PACSIN2: variants seen among roughly 807,000 people sequenced by gnomAD.
The protein encoded by PACSIN2 is protein kinase C and casein kinase substrate in neurons protein 2.
In PACSIN2, 25 loss-of-function variants were observed where a neutral mutation model predicts 63.8. The observed-to-expected ratio is 0.39, with a 90% CI of 0.29 to 0.55. PACSIN2 has a LOEUF of 0.55. Among genes scored for constraint, PACSIN2 ranks in the 20% least tolerant of loss-of-function variants. PACSIN2 has a pLI of 0.62. For missense variants in PACSIN2, 518 were observed against 646.9 expected (o/e 0.80, Z 2.16); for synonymous variants, 255 against 256.2 (o/e 1.00, Z 0.05).
intron 1 of PACSIN2, among the ~76,000 whole-genome samples, chr22:43,001,289 C>T (rs927796153): frequency 6.6e-6 from 1 of 152,180 alleles, no homozygotes; most frequent in Non-Finnish European, 1.5e-5. Flanking sequence ...CTAAGGATGA[C>T]CAGAGGCTTC....
At chr22:43,014,201 T>G (rs925319035) in intron 1 of PACSIN2, among the ~76,000 whole-genome samples, 2 of 151,208 alleles carry the variant, frequency 1.3e-5, no homozygotes, top group African/African-American at 4.9e-5. Flanking sequence ...GAGTTCGGAT[T>G]TCTGATTCAG....
intron 3 of PACSIN2, among the ~76,000 whole-genome samples, chr22:42,891,526 G>A (rs1461964789): frequency 1.3e-5 from 2 of 152,008 alleles, no homozygotes; most frequent in African/African-American, 4.8e-5. Flanking sequence ...TCAGCCTCCC[G>A]AGTAGCTGGG....
At chr22:42,912,481 T>C (rs530844159) in intron 1 of PACSIN2, among the ~76,000 whole-genome samples, 4 of 152,240 alleles carry the variant, frequency 2.6e-5, no homozygotes, top group Admixed American at 2.6e-4. Context: ...TGAGTGGAGG[T>C]AATCCCACCT....
chr22:42,997,708 G>A (rs1375301944), intron 1 of PACSIN2, among the ~76,000 whole-genome samples: 1 of 151,488 alleles, frequency 6.6e-6, no homozygotes, highest in African/African-American at 2.4e-5. Context: ...TCCAAATACA[G>A]GTCAACAAAA....
At chr22:42,888,047 G>A (rs1569224116) in intron 5 of PACSIN2, among the ~76,000 whole-genome samples, 1 of 144,856 alleles carries the variant, frequency 6.9e-6, no homozygotes, top group Non-Finnish European at 1.5e-5. Context: ...CCCTCCCCCA[G>A]GTCTCTGCCC....
At chr22:42,936,142 G>T (rs1249394018) in intron 1 of PACSIN2, among the ~76,000 whole-genome samples, 1 of 151,896 alleles carries the variant, frequency 6.6e-6, no homozygotes, top group Non-Finnish European at 1.5e-5. Context: ...CGTGAACCCG[G>T]GAGGCGGAGC....
Position 42,871,595 on chromosome 22 carries a change from AG to A in PACSIN2, c.1349-127del. On this transcript the variant is annotated intron_variant, in intron 10 of 10. Coordinates refer to ENST00000263246, the MANE Select transcript of PACSIN2 (RefSeq NM_001184970.3). The surrounding 1 kb of genome is among the most constrained non-coding windows in gnomAD (Gnocchi z 5.4). ...CAGGCATTCTGTGGCGGGCAGGCCG[AG>A]GGCCTGGTCATTTCTCTACTAAATG... is the stretch of plus-strand genomic sequence containing the variant. The A allele has an allele frequency of 1.3e-6, 1 of 744,926 alleles. No homozygotes were observed. Among genetic ancestry groups the A allele is most frequent in the Non-Finnish European group, 2.4e-6 (1 of 420,588 alleles). The allele number at this position is 744,926 out of a possible 1,614,324, so 46.1% of individuals were successfully genotyped here. A position where few individuals can be genotyped will look rare whatever the true frequency, so the allele number is the denominator to read the frequency against.
Position 42,893,575 on chromosome 22 carries a change from A to T in PACSIN2, c.99T>A (p.Asp33Glu). 2.5e-6 allele frequency: 4 copies of T among 1,614,136 alleles called. No homozygotes were observed. Among genetic ancestry groups the T allele is most frequent in the Non-Finnish European group, 3.4e-6 (4 of 1,180,026 alleles). The change falls in exon 3 of 11, where the codon GAT (aspartate) becomes GAA (glutamate). Residue 33 changes from aspartate (D) to glutamate (E), a missense_variant. Asp to Glu is a conservative substitution (Grantham distance 45, BLOSUM62 2). Transcript: ENST00000263246. ...NYKRTVKRIDDGHRLCSDLMN... is the reference protein window; with the variant it reads ...NYKRTVKRIDEGHRLCSDLMN... ...TGAGGTCGCTGCACAGGCGGTGGCCATCGTCGATCCGCTTCACAGTCCGCT... is the reference window on the plus strand; with the variant it reads ...TGAGGTCGCTGCACAGGCGGTGGCCTTCGTCGATCCGCTTCACAGTCCGCT...
intron 1 of PACSIN2, among the ~76,000 whole-genome samples, chr22:42,936,524 G>A (rs1270449043): frequency 6.6e-6 from 1 of 152,158 alleles, no homozygotes; most frequent in Admixed American, 6.5e-5. Context: ...CAAAGGCAAA[G>A]GATGGACTGG....
At chr22:42,919,966 G>T (rs1450093675) in intron 1 of PACSIN2, among the ~76,000 whole-genome samples, 1 of 150,810 alleles carries the variant, frequency 6.6e-6, no homozygotes, top group Non-Finnish European at 1.5e-5. Flanking sequence ...AAATTAGCCA[G>T]GGGTGGTGGT....
chr22:42,876,370 G>C, intron 9 of PACSIN2, 37 bp from the exon 10 acceptor site: 2 of 1,579,848 alleles, frequency 1.3e-6, no homozygotes, highest in East Asian at 2.3e-5. Context: ...CCTCAGCACA[G>C]GGCGGCAGAG....
chr22:42,891,426 G>A (rs555996378), intron 3 of PACSIN2, among the ~76,000 whole-genome samples: 1 of 152,254 alleles, frequency 6.6e-6, no homozygotes, highest in South Asian at 2.1e-4. Flanking sequence ...TTGGGATGGA[G>A]TTTCGCTCTT....
intron 2 of PACSIN2, among the ~76,000 whole-genome samples, chr22:42,909,855 T>C (rs4820494): frequency 0.36 from 54,212 of 152,026 alleles, 10,866 homozygotes; most frequent in Non-Finnish European, 0.46. Context: ...AAGTGGGTAA[T>C]GAAGACAATG....
intron 1 of PACSIN2, among the ~76,000 whole-genome samples, chr22:42,971,174 G>A (rs905702303): frequency 3.3e-5 from 5 of 152,206 alleles, no homozygotes; most frequent in Admixed American, 6.5e-5. Flanking sequence ...TCGGCTCACT[G>A]CAGCCTCCCT....
intron 1 of PACSIN2, among the ~76,000 whole-genome samples, chr22:42,999,108 AG>A (rs1923598618): frequency 6.6e-6 from 1 of 152,228 alleles, no homozygotes; most frequent in Non-Finnish European, 1.5e-5. Flanking sequence ...CTGACTCTTA[AG>A]CCGTTTAACA....
At chr22:42,980,574 T>C (rs1922027393) in intron 1 of PACSIN2, among the ~76,000 whole-genome samples, 1 of 128,242 alleles carries the variant, frequency 7.8e-6, no homozygotes, top group African/African-American at 2.9e-5. Context: ...CTCGGCTCAC[T>C]GCAACCTCCC....
chr22:42,951,278 CAAGT>C (rs1933679694), intron 1 of PACSIN2, among the ~76,000 whole-genome samples: 1 of 152,178 alleles, frequency 6.6e-6, no homozygotes, highest in South Asian at 2.1e-4. Flanking sequence ...TCTCTCTAGA[CAAGT>C]AATTCCGGAC....
chr22:43,012,192 T>A (rs747442636), intron 1 of PACSIN2, among the ~76,000 whole-genome samples: 12 of 123,542 alleles, frequency 9.7e-5, no homozygotes, highest in Non-Finnish European at 1.8e-4. Context: ...CATACATACA[T>A]ACATACATAC....
intron 2 of PACSIN2, among the ~76,000 whole-genome samples, chr22:42,907,713 C>T (rs563564242): frequency 2.6e-5 from 4 of 152,382 alleles, no homozygotes; most frequent in South Asian, 4.1e-4. Context: ...ACTGCTCTGC[C>T]GCCTCCTAAC....
Sources: allele counts gnomAD v4.1 joint callset (sites outside exome capture counted in the v4.1 genomes callset), GRCh38; gene constraint gnomAD v4.1.1; non-coding constraint Gnocchi (gnomAD v3.1); transcripts MANE v1.5; gene names NCBI Gene and HGNC (gene_info 2026-07-23, HGNC 2026-07-21).